Variants in CTIF observed in about 807,000 individuals in gnomAD.
CTIF encodes the protein cap binding complex dependent translation initiation factor, also known as CBP80/20-dependent translation initiation factor.
Under a neutral mutation model 66.0 loss-of-function variants are expected in CTIF, and 21 were observed. The observed-to-expected ratio is 0.32, with a 90% CI of 0.23 to 0.46. The LOEUF (loss-of-function observed/expected upper bound fraction) is 0.46. Ranked by LOEUF, CTIF falls within the 20% of genes least tolerant of loss-of-function variation. The pLI, the probability that CTIF is intolerant of heterozygous loss-of-function variation, is 1.00. For synonymous variants in CTIF, 345 were observed against 326.4 expected (o/e 1.06, Z -0.62); for missense variants, 739 against 812.7 (o/e 0.91, Z 1.10).
intron 6 of CTIF, among the ~76,000 whole-genome samples, chr18:48,682,128 C>T (rs2091756945): frequency 6.6e-6 from 1 of 152,210 alleles, no homozygotes; most frequent in Non-Finnish European, 1.5e-5. Context: ...GTCACCTCCT[C>T]TGTGAAGCCC....
At chr18:48,552,025 A>G (rs923030228) in intron 1 of CTIF, among the ~76,000 whole-genome samples, 5 of 152,108 alleles carry the variant, frequency 3.3e-5, no homozygotes, top group African/African-American at 1.2e-4. Flanking sequence ...GATGGTCTCT[A>G]TCTCCTGACC....
intron 1 of CTIF, among the ~76,000 whole-genome samples, chr18:48,580,998 G>T (rs1294314414): frequency 6.6e-6 from 1 of 152,240 alleles, no homozygotes; most frequent in Non-Finnish European, 1.5e-5. Context: ...AGAGCATTCT[G>T]CAGTACTGCC....
chr18:48,714,456 T>C (rs1408203899), intron 7 of CTIF, among the ~76,000 whole-genome samples: 1 of 151,928 alleles, frequency 6.6e-6, no homozygotes, highest in Admixed American at 6.5e-5. Context: ...TGGAGAGGAG[T>C]CTGTGGCTTT....
At chr18:48,634,351 G>C (rs887364382) in intron 2 of CTIF, among the ~76,000 whole-genome samples, 5 of 152,112 alleles carry the variant, frequency 3.3e-5, no homozygotes, top group Admixed American at 6.5e-5. Flanking sequence ...CCCACTGACA[G>C]CCACAATTAA....
chr18:48,775,894 G>A (rs1293532336), intron 9 of CTIF, among the ~76,000 whole-genome samples: 3 of 152,246 alleles, frequency 2.0e-5, no homozygotes, highest in East Asian at 1.9e-4. Flanking sequence ...CCAGGGCTGA[G>A]GCTGCCCAGC....
intron 1 of CTIF, among the ~76,000 whole-genome samples, chr18:48,578,234 C>T (rs942806788): frequency 1.3e-5 from 2 of 151,904 alleles, no homozygotes; most frequent in African/African-American, 2.4e-5. Flanking sequence ...ATGGATGGAG[C>T]TTTGGGGGTT....
chr18:48,727,048 G>A (rs1452093555), intron 7 of CTIF, among the ~76,000 whole-genome samples: 1 of 150,468 alleles, frequency 6.6e-6, no homozygotes, highest in Admixed American at 6.6e-5. Context: ...GTAGGCCTGA[G>A]ATTTAAGGAG....
intron 1 of CTIF, among the ~76,000 whole-genome samples, chr18:48,604,167 G>GTTT (rs1369829348): frequency 1.4e-5 from 1 of 72,172 alleles, no homozygotes; most frequent in African/African-American, 4.2e-5. Context: ...TTTTTTTAAG[G>GTTT]GTTTTTTTTT....
intron 6 of CTIF, among the ~76,000 whole-genome samples, chr18:48,677,354 G>C (rs528369890): frequency 2.0e-5 from 3 of 152,180 alleles, no homozygotes; most frequent in African/African-American, 7.2e-5. Flanking sequence ...CCCAGGCATT[G>C]TCTTATAGCC....
Position 48,863,055 on chromosome 18 carries a change from A to G in CTIF, c.*3496A>G, listed in dbSNP as rs563216784. ...TCCCTGAGCCGGCTGGGAGTGGACG[A>G]CAGGACCTACCTCCCCAGAGCAAGG... On this transcript the variant is annotated 3_prime_UTR_variant, in exon 12 of 12. Coordinates refer to ENST00000256413, the MANE Select transcript of CTIF (RefSeq NM_014772.3). 1 of 152,412 alleles carries G rather than the reference A, an allele frequency of 6.6e-6. No homozygotes were observed. The highest frequency in any genetic ancestry group is 6.5e-5 in the Admixed American group (1 of 15,310). The allele number at this position is 152,412 out of a possible 1,614,324, so 9.4% of individuals were successfully genotyped here. A position where few individuals can be genotyped will look rare whatever the true frequency, so the allele number is the denominator to read the frequency against.
intron 3 of CTIF, among the ~76,000 whole-genome samples, chr18:48,641,968 C>T (rs1173798370): frequency 6.6e-6 from 1 of 152,224 alleles, no homozygotes; most frequent in African/African-American, 2.4e-5. Context: ...GAGTTTTCTG[C>T]AAGTCAACTT....
chr18:48,644,554 A>G (rs948050083), intron 3 of CTIF, among the ~76,000 whole-genome samples: 3 of 152,218 alleles, frequency 2.0e-5, no homozygotes, highest in African/African-American at 7.2e-5. Context: ...TTCTGGCTCC[A>G]GCTCACTTGG....
At chr18:48,617,757 T>A (rs2090424027) in intron 1 of CTIF, among the ~76,000 whole-genome samples, 1 of 152,202 alleles carries the variant, frequency 6.6e-6, no homozygotes, top group South Asian at 2.1e-4. Context: ...TGCCTCCACA[T>A]CTGGTTCCCT....
chr18:48,594,558 C>T (rs2089955751), intron 1 of CTIF, among the ~76,000 whole-genome samples: 1 of 152,138 alleles, frequency 6.6e-6, no homozygotes, highest in South Asian at 2.1e-4. Context: ...AGTCCTCACA[C>T]ATTCTCCAGC....
chr18:48,734,860 C>T (rs532025677), intron 7 of CTIF, among the ~76,000 whole-genome samples: 3 of 152,206 alleles, frequency 2.0e-5, no homozygotes, highest in African/African-American at 7.2e-5. Flanking sequence ...AGGAGCATCC[C>T]GTCTAGTTGG....
chr18:48,840,377 A>G (rs375496571), intron 10 of CTIF, among the ~76,000 whole-genome samples: 1 of 150,596 alleles, frequency 6.6e-6, no homozygotes, highest in Non-Finnish European at 1.5e-5. Context: ...TCAGTTGAAC[A>G]CAGTGAGAAT....
At chr18:48,611,284 T>G (rs1048031227) in intron 1 of CTIF, among the ~76,000 whole-genome samples, 2 of 152,226 alleles carry the variant, frequency 1.3e-5, no homozygotes, top group African/African-American at 4.8e-5. Flanking sequence ...TGTAAGCAGG[T>G]GCTGTCATGT....
intron 9 of CTIF, among the ~76,000 whole-genome samples, chr18:48,774,424 C>T (rs1237060243): frequency 6.6e-6 from 1 of 152,048 alleles, no homozygotes; most frequent in Admixed American, 6.5e-5. Flanking sequence ...GGCCTTCACT[C>T]GGTATCAGGG....
intron 10 of CTIF, among the ~76,000 whole-genome samples, chr18:48,824,930 C>T (rs2068553854): frequency 6.6e-6 from 1 of 152,224 alleles, no homozygotes; most frequent in African/African-American, 2.4e-5. Flanking sequence ...GCGTGAGCCA[C>T]TGCACCCAGC....
Sources: gnomAD v4.1 joint callset for allele counts (sites outside exome capture counted in the v4.1 genomes callset) on GRCh38, gnomAD v4.1.1 for gene constraint, MANE v1.5 for transcripts, NCBI Gene and HGNC (gene_info 2026-07-23, HGNC 2026-07-21) for gene names.